The following SPAG9 variants were observed in gnomAD, a reference collection of about 807,000 sequenced individuals.
SPAG9 encodes sperm associated antigen 9, also known as C-Jun-amino-terminal kinase-interacting protein 4.
Under a neutral mutation model 166.5 loss-of-function variants are expected in SPAG9, and 35 were observed. The observed-to-expected ratio is 0.21, with a 90% CI of 0.16 to 0.28. The LOEUF (loss-of-function observed/expected upper bound fraction) is 0.28, where lower values mean the gene tolerates loss of function less well. SPAG9 is among the 10% of genes least tolerant of loss of function. The pLI is 1.00. For synonymous variants in SPAG9, 534 were observed against 565.5 expected, an observed-to-expected ratio of 0.94 and a Z score of 0.79; for missense variants, 1,235 against 1,603.3, an observed-to-expected ratio of 0.77 and a Z score of 3.92.
rs966997689 is a variant in SPAG9 at position 51,120,823 on chromosome 17, G to C, written c.-167C>G. ...GGGGGCCGGGGCCGGAGGAGGGGAG[G>C]GGTGGCGTAGGCGCTCTCACCCCAA... On this transcript the variant is annotated 5_prime_UTR_variant, in exon 1 of 30. Coordinates refer to ENST00000262013, the MANE Select transcript of SPAG9 (RefSeq NM_001130528.3). The surrounding 1 kb of genome is among the most constrained non-coding windows in gnomAD (Gnocchi z 4.7). 38 of 456,608 alleles carry C rather than the reference G, an allele frequency of 8.3e-5. No individual in the cohort carries two copies. The highest frequency in any genetic ancestry group is 7.5e-4 in the African/African-American group (36 of 48,156). The allele number at this position is 456,608 out of a possible 1,614,324, so 28.3% of individuals were successfully genotyped here.
At chr17:51,049,274 GGAGAAC>G (rs2047114906) in intron 3 of SPAG9, among the ~76,000 whole-genome samples, 1 of 152,106 alleles carries the variant, frequency 6.6e-6, no homozygotes, top group South Asian at 2.1e-4. Flanking sequence ...GGCAGAAGTG[GGAGAAC>G]TGCTTGGACC....
At chr17:51,089,625 TATATATATATA>T (rs1568077217) in intron 1 of SPAG9, among the ~76,000 whole-genome samples, 4 of 55,568 alleles carry the variant, frequency 7.2e-5, no homozygotes, top group African/African-American at 4.1e-4. Context: ...TTATTTTATA[TATATATATATA>T]TATATATATA....
At chr17:51,021,495 C>T in intron 6 of SPAG9, 130 bp from the exon 7 acceptor site, 5 of 664,554 alleles carry the variant, frequency 7.5e-6, no homozygotes, top group Non-Finnish European at 1.2e-5. Context: ...CAATAAAGAG[C>T]CACTGATTAC....
rs1355099847 is a variant in SPAG9 at position 51,005,119 on chromosome 17, T to C, written c.1476+93A>G. 38 of 1,032,504 alleles carry C rather than the reference T, an allele frequency of 3.7e-5. No individual in the cohort carries two copies. In the South Asian group the frequency reaches 4.4e-4, roughly 12 times the overall value. The allele number at this position is 1,032,504 out of a possible 1,614,324, so 64.0% of individuals were successfully genotyped here. A position where few individuals can be genotyped will look rare whatever the true frequency, so the allele number is the denominator to read the frequency against. On this transcript the variant is annotated intron_variant, in intron 12 of 29. Coordinates refer to ENST00000262013, the MANE Select transcript of SPAG9 (RefSeq NM_001130528.3). ...ATGTCTCCTGACTTTTAAAAATCTT[T>C]ATAGTATTATATCCAAAGCTTACGT...
chr17:51,077,217 G>A (rs943835801), intron 2 of SPAG9, among the ~76,000 whole-genome samples: 2 of 150,146 alleles, frequency 1.3e-5, no homozygotes, highest in South Asian at 2.1e-4. Flanking sequence ...TCCACCTCCC[G>A]GGGTCAAGCG....
At chr17:51,046,385 C>T in intron 4 of SPAG9, 4 of 689,946 alleles carry the variant, frequency 5.8e-6, no homozygotes, top group Non-Finnish European at 9.6e-6. Flanking sequence ...ATCCTAGCTT[C>T]AGGCCATTTT....
At chr17:51,084,724 T>C (rs999261335) in intron 1 of SPAG9, among the ~76,000 whole-genome samples, 2 of 152,154 alleles carry the variant, frequency 1.3e-5, no homozygotes, top group Non-Finnish European at 2.9e-5. Context: ...ATTCTTATAT[T>C]AGGCACCTCT....
intron 3 of SPAG9, among the ~76,000 whole-genome samples, chr17:51,049,886 C>T (rs750796861): frequency 2.6e-4 from 39 of 152,130 alleles, no homozygotes; most frequent in Non-Finnish European, 5.0e-4. Context: ...GTGTGAGCCA[C>T]GGCGCCCAGC....
At chr17:50,984,867 A>G in intron 24 of SPAG9, 56 bp downstream of exon 24, 1 of 1,373,518 alleles carries the variant, frequency 7.3e-7, no homozygotes, top group South Asian at 1.2e-5. Flanking sequence ...ATCTACTTAA[A>G]AATGCTTTGC....
intron 1 of SPAG9, among the ~76,000 whole-genome samples, chr17:51,094,824 C>G (rs897161681): frequency 2.0e-5 from 3 of 152,152 alleles, no homozygotes. Context: ...AAGTGATGAT[C>G]CTATAATGGA....
chr17:51,095,978 T>TATATATATATAGTG lies in SPAG9; in HGVS notation c.304-16288_304-16275dup, dbSNP rs1454810415. ...ATAGTGATATATATATATAGTGATA[T>TATATATATATAGTG]ATATATATATAGTGATATATATATA... is the stretch of plus-strand genomic sequence containing the variant. On this transcript the variant is annotated intron_variant, in intron 1 of 29. Coordinates refer to ENST00000262013, the MANE Select transcript of SPAG9 (RefSeq NM_001130528.3). Among the ~76,000 whole-genome samples, 438 of 47,078 alleles carry TATATATATATAGTG rather than the reference T, an allele frequency of 9.3e-3. 10 individuals are homozygous for TATATATATATAGTG. The highest frequency in any genetic ancestry group is 0.02 in the Middle Eastern group (2 of 100). The allele number at this position is 47,078 out of a possible 152,430, so 30.9% of individuals were successfully genotyped here.
At chr17:51,085,076 C>G (rs1029112740) in intron 1 of SPAG9, among the ~76,000 whole-genome samples, 1 of 151,946 alleles carries the variant, frequency 6.6e-6, no homozygotes, top group African/African-American at 2.4e-5. Flanking sequence ...GTCTCCAACT[C>G]CTGACCTCAG....
intron 1 of SPAG9, among the ~76,000 whole-genome samples, chr17:51,116,879 A>C (rs2049302610): frequency 6.6e-6 from 1 of 152,220 alleles, no homozygotes; most frequent in Admixed American, 6.5e-5. Flanking sequence ...ATTGAAACAG[A>C]GTAGAAAGTG....
At chr17:51,058,789 G>A (rs979822036) in intron 2 of SPAG9, among the ~76,000 whole-genome samples, 1 of 152,184 alleles carries the variant, frequency 6.6e-6, no homozygotes, top group African/African-American at 2.4e-5. Flanking sequence ...CAGTATGGAT[G>A]TGGAACTACT....
intron 6 of SPAG9, among the ~76,000 whole-genome samples, chr17:51,027,697 G>C (rs58522649): frequency 7.9e-4 from 120 of 152,020 alleles, no homozygotes; most frequent in Non-Finnish European, 1.5e-3. Context: ...GCACTGCCAG[G>C]TGTATAAAAG....
chr17:51,062,986 A>G (rs775706188), intron 2 of SPAG9, among the ~76,000 whole-genome samples: 1 of 152,218 alleles, frequency 6.6e-6, no homozygotes, highest in African/African-American at 2.4e-5. Flanking sequence ...TGTTATTTTC[A>G]TAAGAGCTAA....
intron 1 of SPAG9, among the ~76,000 whole-genome samples, chr17:51,115,034 T>C (rs1171200452): frequency 2.6e-5 from 4 of 152,146 alleles, no homozygotes; most frequent in African/African-American, 9.7e-5. Flanking sequence ...CCCATGAGTC[T>C]TACGGGTCCC....
At chr17:51,006,063 G>C (rs2045207300) in intron 11 of SPAG9, 22 bp downstream of exon 11, 1 of 1,613,112 alleles carries the variant, frequency 6.2e-7, no homozygotes, top group African/African-American at 1.3e-5. Flanking sequence ...GTTTGGTTTA[G>C]AACAACACAG....
intron 19 of SPAG9, among the ~76,000 whole-genome samples, chr17:50,992,083 T>A (rs1975616286): frequency 6.6e-6 from 1 of 151,804 alleles, no homozygotes; most frequent in African/African-American, 2.4e-5. Flanking sequence ...GAATGAGGTC[T>A]CACTATATTG....
Sources: allele counts gnomAD v4.1 joint callset (sites outside exome capture counted in the v4.1 genomes callset), GRCh38; gene constraint gnomAD v4.1.1; non-coding constraint Gnocchi (gnomAD v3.1); transcripts MANE v1.5; gene names NCBI Gene and HGNC (gene_info 2026-07-23, HGNC 2026-07-21).